Variants in SAMD5 observed in about 807,000 individuals in gnomAD.
SAMD5 encodes sterile alpha motif domain containing 5.
SAMD5 carries 13 observed loss-of-function variants against 11.3 expected under a neutral mutation model. That is an observed-to-expected ratio of 1.15 (90% CI 0.75 to 1.83). SAMD5 has a LOEUF of 1.83. Ranked by LOEUF, SAMD5 falls within the 40% of genes most tolerant of loss-of-function variation. The pLI is 0.00. For synonymous variants in SAMD5, 129 were observed against 111.3 expected, an observed-to-expected ratio of 1.16 and a Z score of -1.00; for missense variants, 255 against 239.1, an observed-to-expected ratio of 1.07 and a Z score of -0.44.
At chr6:147,738,731 A>G (rs1361559436), downstream of SAMD5, among the ~76,000 whole-genome samples, 2 of 152,210 alleles carry the variant, frequency 1.3e-5, no homozygotes, top group Non-Finnish European at 2.9e-5. Flanking sequence ...ATGAAAAACC[A>G]TAAACTGAGC....
In SAMD5 at chr6:147,685,185, GT is replaced by G. The variant is rs373999588; in HGVS notation, c.163-52126del. Among the ~76,000 whole-genome samples, 704 of 152,092 alleles carry G rather than the reference GT, an allele frequency of 4.6e-3. 3 individuals carry two copies. The highest frequency in any genetic ancestry group is 7.5e-3 in the Non-Finnish European group (509 of 67,970). On this transcript the variant is annotated intron_variant, in intron 1 of 1. Coordinates refer to the SAMD5 transcript ENST00000566741. ...TGAAATATCTCTGACAGTTCCTTTA[GT>G]TTTTTGTTTTGTTTTCTTTTTCTGT...
At chr6:147,944,999 C>T in the SAMD5 span, among the ~76,000 whole-genome samples, 1 of 152,212 alleles carries the variant, frequency 6.6e-6, no homozygotes. Context: ...GATATAGTCC[C>T]CATCATTGCC....
At chr6:147,777,718 T>C in the SAMD5 span, among the ~76,000 whole-genome samples, 1 of 152,180 alleles carries the variant, frequency 6.6e-6, no homozygotes, top group South Asian at 2.1e-4. Context: ...TCTCCTTCTA[T>C]CTTTATGAAA....
At chr6:147,859,492 T>C in the SAMD5 span, among the ~76,000 whole-genome samples, 19 of 152,338 alleles carry the variant, frequency 1.2e-4, no homozygotes, top group South Asian at 3.9e-3. Context: ...AGAATAGAGA[T>C]GATGAGACTT....
intron 1 of SAMD5, among the ~76,000 whole-genome samples, chr6:147,583,512 A>G (rs1383585127): frequency 6.6e-6 from 1 of 152,176 alleles, no homozygotes; most frequent in Non-Finnish European, 1.5e-5. Context: ...AAAGTACAAC[A>G]TTATTATTTA....
chr6:147,927,017 G>C, the SAMD5 span, among the ~76,000 whole-genome samples: 1 of 152,086 alleles, frequency 6.6e-6, no homozygotes, highest in Non-Finnish European at 1.5e-5. Flanking sequence ...CTGTTCCATG[G>C]TCTATGTGTC....
intron 1 of SAMD5, among the ~76,000 whole-genome samples, chr6:147,524,128 G>A (rs1788296941): frequency 6.6e-6 from 1 of 152,130 alleles, no homozygotes; most frequent in South Asian, 2.1e-4. Flanking sequence ...TTGGGCTAGT[G>A]TATTTCTCTC....
At chr6:147,604,435 A>G (rs1358086121) in intron 1 of SAMD5, among the ~76,000 whole-genome samples, 1 of 152,162 alleles carries the variant, frequency 6.6e-6, no homozygotes, top group South Asian at 2.1e-4. Context: ...CAGCCAAAAG[A>G]TAGTTTTCCT....
At chr6:147,690,689 A>C (rs1232696111) in intron 1 of SAMD5, among the ~76,000 whole-genome samples, 2 of 152,152 alleles carry the variant, frequency 1.3e-5, no homozygotes, top group Non-Finnish European at 2.9e-5. Context: ...AGAACAACAA[A>C]GTATGGTGGA....
At chr6:147,920,860 G>C in the SAMD5 span, among the ~76,000 whole-genome samples, 1 of 152,058 alleles carries the variant, frequency 6.6e-6, no homozygotes, top group East Asian at 1.9e-4. Flanking sequence ...GTTAGATAAT[G>C]ACATAAAATA....
At chr6:147,937,769 C>T in the SAMD5 span, among the ~76,000 whole-genome samples, 3 of 152,046 alleles carry the variant, frequency 2.0e-5, no homozygotes, top group Admixed American at 6.6e-5. Context: ...AATTTTAATT[C>T]GCACCATAGA....
intron 1 of SAMD5, among the ~76,000 whole-genome samples, chr6:147,615,242 A>G (rs1399672092): frequency 6.6e-6 from 1 of 152,224 alleles, no homozygotes; most frequent in Admixed American, 6.5e-5. Context: ...CACGTAGAAC[A>G]GTACATTTAA....
the SAMD5 span, among the ~76,000 whole-genome samples, chr6:147,908,393 C>G: frequency 9.2e-5 from 14 of 152,248 alleles, no homozygotes; most frequent in African/African-American, 3.4e-4. Context: ...ACATGAAATG[C>G]TGCTTGTGAA....
chr6:147,759,570 T>C, the SAMD5 span, among the ~76,000 whole-genome samples: 1 of 150,198 alleles, frequency 6.7e-6, no homozygotes. Context: ...GTATAACTTA[T>C]ACATATATTA....
chr6:147,640,510 A>AAAAAAAAAAAAAAAAAAAAAAAAAAAAC, intron 1 of SAMD5, among the ~76,000 whole-genome samples: 1 of 149,784 alleles, frequency 6.7e-6, no homozygotes, highest in Non-Finnish European at 1.5e-5. Context: ...AAAAAAAAAA[A>AAAAAAAAAAAAAAAAAAAAAAAAAAAAC]AAAAAAAAAA....
the SAMD5 span, among the ~76,000 whole-genome samples, chr6:147,797,279 G>C: frequency 4.9e-5 from 7 of 144,304 alleles, no homozygotes; most frequent in South Asian, 2.2e-4. Context: ...TAGCATGAAG[G>C]GTTGTTGAAT....
chr6:147,541,185 A>C (rs1788598094), intron 1 of SAMD5, among the ~76,000 whole-genome samples: 1 of 151,934 alleles, frequency 6.6e-6, no homozygotes, highest in Non-Finnish European at 1.5e-5. Flanking sequence ...ACTGACCTCA[A>C]GTGATCCGCC....
chr6:147,528,109 G>A (rs769749309), intron 1 of SAMD5, among the ~76,000 whole-genome samples: 4 of 151,984 alleles, frequency 2.6e-5, no homozygotes, highest in South Asian at 2.1e-4. Flanking sequence ...ATCTCCCACC[G>A]GGCTCCACCT....
intron 1 of SAMD5, among the ~76,000 whole-genome samples, chr6:147,731,107 G>T (rs1305680071): frequency 6.6e-6 from 1 of 152,136 alleles, no homozygotes; most frequent in Non-Finnish European, 1.5e-5. Flanking sequence ...CCATTTTATA[G>T]ATGAAGAAAC....
Sources: allele counts gnomAD v4.1 joint callset (sites outside exome capture counted in the v4.1 genomes callset), GRCh38; gene constraint gnomAD v4.1.1; transcripts MANE v1.5; gene names NCBI Gene and HGNC (gene_info 2026-07-23, HGNC 2026-07-21).